Variants in ATP8A2 observed in about 807,000 individuals in gnomAD.
The protein encoded by ATP8A2 is phospholipid-transporting ATPase IB.
A neutral mutation model predicts 165.6 loss-of-function variants in ATP8A2; 100 were observed. The ratio of observed to expected loss-of-function variants is 0.60; its 90% confidence interval spans 0.51 to 0.71. The LOEUF (loss-of-function observed/expected upper bound fraction) is 0.71, where lower values mean the gene tolerates loss of function less well. Among genes scored for constraint, ATP8A2 ranks in the 30% least tolerant of loss-of-function variants. The pLI, the probability that ATP8A2 is intolerant of heterozygous loss-of-function variation, is 0.00. For synonymous variants in ATP8A2, 543 were observed against 548.8 expected (o/e 0.99, Z 0.15); for missense variants, 1,227 against 1,479.5 (o/e 0.83, Z 2.80).
intron 33 of ATP8A2, among the ~76,000 whole-genome samples, chr13:25,948,740 T>C (rs922473856): frequency 3.9e-5 from 6 of 152,066 alleles, no homozygotes; most frequent in Non-Finnish European, 5.9e-5. Flanking sequence ...AAGGAGCACA[T>C]AGTGAGATGG....
At chr13:25,914,884 C>A (rs1954223004) in intron 33 of ATP8A2, among the ~76,000 whole-genome samples, 2 of 152,214 alleles carry the variant, frequency 1.3e-5, no homozygotes, top group Admixed American at 1.3e-4. Flanking sequence ...TGCCGTGCAT[C>A]CCTCTGTGGA....
In ATP8A2 at chr13:25,717,429, A is replaced by C. The variant is rs958352287; in HGVS notation, c.2384+18084A>C. Among the ~76,000 whole-genome samples, 5 of 151,570 alleles carry C rather than the reference A, an allele frequency of 3.3e-5. 1 individual carries two copies. Among genetic ancestry groups the C allele is most frequent in the South Asian group, 4.2e-4 (2 of 4,804 alleles). Reference sequence around the variant, plus strand: ...GATCCTGAAAAAACTAAAAAAAAAAAAAAAAAACACCAAGGTAGGCACTAC... The same window carrying C: ...GATCCTGAAAAAACTAAAAAAAAAACAAAAAAACACCAAGGTAGGCACTAC... On this transcript the variant is annotated intron_variant, in intron 25 of 36. Transcript: ENST00000381655.
rs1359671080 is a variant in ATP8A2 at position 26,025,113 on chromosome 13, CAACAA to C, written c.*5131_*5135del. On this transcript the variant is annotated 3_prime_UTR_variant, in exon 37 of 37. Coordinates refer to ENST00000381655, the MANE Select transcript of ATP8A2 (RefSeq NM_016529.6). ...TAGGTGAATCAATAAACACCAACAA[CAACAA>C]AAAAAAAAAAAAAAAAAAAGGAAGA... 3.9e-4 allele frequency: 5 copies of C among 12,788 alleles called. No homozygotes were observed. The highest frequency in any genetic ancestry group is 6.2e-4 in the Non-Finnish European group (4 of 6,420). 0.8% of individuals were successfully genotyped at this position (12,788 alleles called of 1,614,324 possible). A position where few individuals can be genotyped will look rare whatever the true frequency, so the allele number is the denominator to read the frequency against.
intron 35 of ATP8A2, among the ~76,000 whole-genome samples, chr13:25,974,571 T>C (rs1955985266): frequency 6.6e-6 from 1 of 152,060 alleles, no homozygotes; most frequent in South Asian, 2.1e-4. Context: ...AAGAGGACAG[T>C]GTACCCAGTC....
chr13:25,413,572 T>C (rs549486876), intron 1 of ATP8A2, among the ~76,000 whole-genome samples: 35 of 152,300 alleles, frequency 2.3e-4, no homozygotes, highest in African/African-American at 8.4e-4. Flanking sequence ...ACTTACAACC[T>C]TAATTGATAA....
intron 25 of ATP8A2, among the ~76,000 whole-genome samples, chr13:25,700,856 G>A (rs2042937599): frequency 6.6e-6 from 1 of 152,152 alleles, no homozygotes; most frequent in Non-Finnish European, 1.5e-5. Flanking sequence ...CCATATCCAT[G>A]CTAACACTTG....
chr13:25,570,992 C>T, intron 17 of ATP8A2, 120 bp downstream of exon 17: 2 of 703,828 alleles, frequency 2.8e-6, no homozygotes, highest in Non-Finnish European at 4.6e-6. Context: ...TGCTGTTGGC[C>T]TCACCCTGTG....
At chr13:25,451,964 C>T (rs2138240732) in intron 1 of ATP8A2, among the ~76,000 whole-genome samples, 1 of 151,938 alleles carries the variant, frequency 6.6e-6, no homozygotes, top group African/African-American at 2.4e-5. Context: ...GCGCCATTCT[C>T]CTGCCTCAGC....
intron 1 of ATP8A2, among the ~76,000 whole-genome samples, chr13:25,422,195 A>G (rs2034320776): frequency 6.6e-6 from 1 of 152,194 alleles, no homozygotes; most frequent in Non-Finnish European, 1.5e-5. Context: ...GTAATAATAT[A>G]AATAATTTCT....
intron 1 of ATP8A2, among the ~76,000 whole-genome samples, chr13:25,451,031 A>T (rs2035210352): frequency 6.6e-6 from 1 of 152,056 alleles, no homozygotes; most frequent in Admixed American, 6.6e-5. Flanking sequence ...GCTTCTTCAG[A>T]TATTTATGTC....
At position 26,014,337 on chromosome 13, in the gene ATP8A2, T is replaced by A. The variant is rs74039977; in HGVS notation, c.3469+1715T>A. 5.8e-3 allele frequency among the ~76,000 whole-genome samples: 890 copies of A among 152,336 alleles called. 9 individuals are homozygous for A. Among genetic ancestry groups the A allele is most frequent in the African/African-American group, 0.02 (844 of 41,568 alleles). ...CAAGGAAGAAGGCTTTATCTGGTGC[T>A]ATAGCCAAGGAGGTGGCAGATTAGT... On this transcript the variant is annotated intron_variant, in intron 36 of 36. Coordinates refer to ENST00000381655, the MANE Select transcript of ATP8A2 (RefSeq NM_016529.6).
At chr13:25,419,130 G>A (rs181168098) in intron 1 of ATP8A2, among the ~76,000 whole-genome samples, 3 of 152,288 alleles carry the variant, frequency 2.0e-5, no homozygotes. Context: ...CTCTTGCTGA[G>A]ATATGTGACT....
intron 35 of ATP8A2, among the ~76,000 whole-genome samples, chr13:26,009,043 A>G (rs1024026638): frequency 2.6e-5 from 4 of 152,256 alleles, no homozygotes; most frequent in Admixed American, 6.5e-5. Flanking sequence ...AAGCAACAGT[A>G]TGAAATATAG....
rs564887881 is a variant in ATP8A2 at position 25,952,734 on chromosome 13, G to A, written c.3184-8841G>A. Among the ~76,000 whole-genome samples, 17 of 152,178 alleles carry A rather than the reference G, an allele frequency of 1.1e-4. No individual in the cohort carries two copies. In the South Asian group the frequency reaches 1.2e-3, roughly 11 times the overall value. On this transcript the variant is annotated intron_variant, in intron 33 of 36. Coordinates refer to ENST00000381655, the MANE Select transcript of ATP8A2 (RefSeq NM_016529.6). The stretch of plus-strand genomic sequence containing the variant: ...TTTCATTCATCCTGCACTGATATTT[G>A]CCTTCCCAGCAGATGATGGGTGAGC...
chr13:25,490,005 GGTAGTCGGTGTATACTGTC>G (rs1458531900), intron 2 of ATP8A2, among the ~76,000 whole-genome samples: 5 of 152,162 alleles, frequency 3.3e-5, no homozygotes, highest in African/African-American at 1.2e-4. Flanking sequence ...ATTTTTTTAT[GGTAGTCGGTGTATACTGTC>G]TTGGTGCTTG....
chr13:25,841,979 C>T (rs949317639), intron 30 of ATP8A2, among the ~76,000 whole-genome samples: 7 of 152,038 alleles, frequency 4.6e-5, no homozygotes, highest in African/African-American at 1.7e-4. Flanking sequence ...GGGTGGCGCC[C>T]CCATGACCCA....
chr13:25,890,191 G>A (rs900535543), intron 33 of ATP8A2, among the ~76,000 whole-genome samples: 1 of 152,046 alleles, frequency 6.6e-6, no homozygotes, highest in African/African-American at 2.4e-5. Context: ...AAATTTTACC[G>A]TCTCTCTGGG....
chr13:25,720,129 G>A (rs897566423), intron 25 of ATP8A2, among the ~76,000 whole-genome samples: 1 of 146,154 alleles, frequency 6.8e-6, no homozygotes, highest in Admixed American at 6.8e-5. Context: ...CATGATTTCT[G>A]TTATCTGCAC....
chr13:25,765,156 A>T (rs1239737139), intron 25 of ATP8A2, among the ~76,000 whole-genome samples: 2 of 152,210 alleles, frequency 1.3e-5, no homozygotes, highest in Non-Finnish European at 2.9e-5. Flanking sequence ...TGTAAGTCTC[A>T]AAAGAAAAAC....
Sources: allele counts gnomAD v4.1 joint callset (sites outside exome capture counted in the v4.1 genomes callset), GRCh38; gene constraint gnomAD v4.1.1; transcripts MANE v1.5; gene names NCBI Gene and HGNC (gene_info 2026-07-23, HGNC 2026-07-21).